The following NKAIN3 variants were observed in gnomAD, a reference collection of about 807,000 sequenced individuals.
The protein encoded by NKAIN3 is sodium/potassium-transporting ATPase subunit beta-1-interacting protein 3.
In NKAIN3, 25 loss-of-function variants were observed where a neutral mutation model predicts 30.2. The ratio of observed to expected loss-of-function variants is 0.83; its 90% CI spans 0.60 to 1.16. The LOEUF (loss-of-function observed/expected upper bound fraction) is 1.16, where lower values mean the gene tolerates loss of function less well. Among genes scored for constraint, NKAIN3 ranks in the 50% most tolerant of loss-of-function variants. The pLI, the probability that NKAIN3 is intolerant of heterozygous loss-of-function variation, is 0.00. For missense variants in NKAIN3, 225 were observed against 254.1 expected, an observed-to-expected ratio of 0.89 and a Z score of 0.78; for synonymous variants, 91 against 89.6, an observed-to-expected ratio of 1.02 and a Z score of -0.09.
intron 1 of NKAIN3, among the ~76,000 whole-genome samples, chr8:62,330,224 A>T (rs1815293226): frequency 1.3e-5 from 2 of 151,734 alleles, no homozygotes; most frequent in Non-Finnish European, 2.9e-5. Flanking sequence ...AATAATGAGG[A>T]TGGGGGGGTG....
Position 62,969,219 on chromosome 8 carries a change from G to A in NKAIN3, c.*3812G>A, listed in dbSNP as rs1369920704. Among the ~76,000 whole-genome samples the A allele has an allele frequency of 6.6e-6, 1 of 152,172 alleles. No homozygotes were observed. Among genetic ancestry groups the A allele is most frequent in the African/African-American group, 2.4e-5 (1 of 41,448 alleles). On this transcript the variant is annotated 3_prime_UTR_variant, in exon 7 of 7. Transcript: ENST00000623646. ...GTTATTCCTATAGACCTAAATAAGG[G>A]AGGCAGCCAGTTTCAAGAGGCTGGC...
At chr8:62,678,281 C>T (rs1813540885) in intron 3 of NKAIN3, among the ~76,000 whole-genome samples, 1 of 152,290 alleles carries the variant, frequency 6.6e-6, no homozygotes, top group African/African-American at 2.4e-5. Context: ...GTTACCTTCT[C>T]TAATAGGCTG....
At chr8:62,686,045 G>A (rs746674779) in intron 3 of NKAIN3, among the ~76,000 whole-genome samples, 1 of 152,034 alleles carries the variant, frequency 6.6e-6, no homozygotes, top group Non-Finnish European at 1.5e-5. Context: ...AATCTGCATT[G>A]AAGAAGTCAG....
intron 1 of NKAIN3, among the ~76,000 whole-genome samples, chr8:62,565,093 C>T (rs1809709003): frequency 6.6e-6 from 1 of 152,090 alleles, no homozygotes; most frequent in South Asian, 2.1e-4. Flanking sequence ...TCCCATTATA[C>T]ATACACATGA....
chr8:62,524,551 C>A (rs189472456), intron 1 of NKAIN3, among the ~76,000 whole-genome samples: 414 of 152,236 alleles, frequency 2.7e-3, no homozygotes, highest in African/African-American at 8.6e-3. Context: ...CTGGATGGAA[C>A]CAATTACTCA....
chr8:62,543,098 A>C (rs958915492), intron 1 of NKAIN3, among the ~76,000 whole-genome samples: 1 of 152,194 alleles, frequency 6.6e-6, no homozygotes, highest in Non-Finnish European at 1.5e-5. Flanking sequence ...TTCTCTCAAC[A>C]TTCAGTCTCT....
chr8:62,436,031 C>T (rs927388087), intron 1 of NKAIN3, among the ~76,000 whole-genome samples: 5 of 152,104 alleles, frequency 3.3e-5, no homozygotes, highest in Admixed American at 6.6e-5. Context: ...ACTTTTAAAT[C>T]TTTTTGTTTG....
intron 1 of NKAIN3, among the ~76,000 whole-genome samples, chr8:62,555,502 A>G (rs1003945348): frequency 6.6e-6 from 1 of 152,042 alleles, no homozygotes; most frequent in Non-Finnish European, 1.5e-5. Context: ...GAGTGTGAAA[A>G]TATTTCTAAG....
At chr8:62,352,219 C>T (rs763192647) in intron 1 of NKAIN3, among the ~76,000 whole-genome samples, 5 of 152,144 alleles carry the variant, frequency 3.3e-5, no homozygotes, top group African/African-American at 4.8e-5. Context: ...ACACTTCTGT[C>T]GACCTGACTC....
intron 4 of NKAIN3, among the ~76,000 whole-genome samples, chr8:62,823,279 C>T (rs1818908567): frequency 6.6e-6 from 1 of 152,054 alleles, no homozygotes; most frequent in Admixed American, 6.6e-5. Flanking sequence ...TCTTATGGTA[C>T]CATTTTTATA....
chr8:62,289,330 T>C (rs1456332045), intron 1 of NKAIN3, among the ~76,000 whole-genome samples: 1 of 152,214 alleles, frequency 6.6e-6, no homozygotes, highest in Non-Finnish European at 1.5e-5. Flanking sequence ...GCCTATGTCC[T>C]GAATGGTATT....
intron 4 of NKAIN3, among the ~76,000 whole-genome samples, chr8:62,822,832 C>G (rs1330294462): frequency 6.6e-6 from 1 of 152,168 alleles, no homozygotes; most frequent in Non-Finnish European, 1.5e-5. Context: ...GTGAACATCA[C>G]AGAATGTACC....
chr8:62,801,300 G>A (rs545884549), intron 4 of NKAIN3, among the ~76,000 whole-genome samples: 26 of 152,274 alleles, frequency 1.7e-4, no homozygotes, highest in African/African-American at 4.3e-4. Context: ...ATCTGAGAAC[G>A]GGCAGACTGC....
At chr8:62,548,933 T>G (rs1186571001) in intron 1 of NKAIN3, among the ~76,000 whole-genome samples, 1 of 152,066 alleles carries the variant, frequency 6.6e-6, no homozygotes, top group East Asian at 1.9e-4. Flanking sequence ...TTCAGTAAGT[T>G]ACAGGTAAAG....
At chr8:62,474,995 C>T (rs1806471627) in intron 1 of NKAIN3, among the ~76,000 whole-genome samples, 1 of 152,086 alleles carries the variant, frequency 6.6e-6, no homozygotes, top group Non-Finnish European at 1.5e-5. Context: ...ATTCTCAGAG[C>T]AATGACTATA....
intron 4 of NKAIN3, among the ~76,000 whole-genome samples, chr8:62,767,062 A>C (rs1816861274): frequency 6.6e-6 from 1 of 152,124 alleles, no homozygotes. Flanking sequence ...GCCAGTTTCC[A>C]TTCCCCTAAC....
chr8:62,359,142 A>G (rs934561098), intron 1 of NKAIN3, among the ~76,000 whole-genome samples: 2 of 152,224 alleles, frequency 1.3e-5, no homozygotes, highest in African/African-American at 4.8e-5. Flanking sequence ...GAGATGTGCC[A>G]CTGCACTCCA....
chr8:62,742,864 G>T (rs1815949628), intron 3 of NKAIN3, among the ~76,000 whole-genome samples: 1 of 152,150 alleles, frequency 6.6e-6, no homozygotes, highest in South Asian at 2.1e-4. Context: ...CAGCATGGCT[G>T]GGAAGGCCTC....
At chr8:62,806,892 A>G (rs1246849993) in intron 4 of NKAIN3, among the ~76,000 whole-genome samples, 2 of 152,068 alleles carry the variant, frequency 1.3e-5, no homozygotes, top group Non-Finnish European at 2.9e-5. Flanking sequence ...CCACTTGTCT[A>G]CATGAGACCA....
Sources: allele counts gnomAD v4.1 joint callset (sites outside exome capture counted in the v4.1 genomes callset), GRCh38; gene constraint gnomAD v4.1.1; transcripts MANE v1.5; gene names NCBI Gene and HGNC (gene_info 2026-07-23, HGNC 2026-07-21).